Variants in KALRN observed in about 807,000 individuals in gnomAD.
The protein encoded by KALRN is kalirin RhoGEF kinase.
Under a neutral mutation model 353.7 loss-of-function variants are expected in KALRN, and 70 were observed. The ratio of observed to expected loss-of-function variants is 0.20; its 90% CI spans 0.16 to 0.24. KALRN has a LOEUF of 0.24. KALRN is among the 10% of genes least tolerant of loss of function. The pLI is 1.00. For synonymous variants in KALRN, 1,391 were observed against 1,434.8 expected, an observed-to-expected ratio of 0.97 and a Z score of 0.69; for missense variants, 2,791 against 3,756.7, an observed-to-expected ratio of 0.74 and a Z score of 6.72.
At chr3:124,574,101 T>C (rs776239087) in intron 34 of KALRN, among the ~76,000 whole-genome samples, 1 of 152,224 alleles carries the variant, frequency 6.6e-6, no homozygotes, top group Non-Finnish European at 1.5e-5. Flanking sequence ...TCGTGGAAAC[T>C]GCCTCAGGCC....
intron 33 of KALRN, among the ~76,000 whole-genome samples, chr3:124,535,039 G>T (rs2068393475): frequency 6.6e-6 from 1 of 151,886 alleles, no homozygotes; most frequent in African/African-American, 2.4e-5. Context: ...TGAGTAGTGG[G>T]GAATAATAAA....
chr3:124,298,424 C>A (rs1258357351), intron 5 of KALRN, among the ~76,000 whole-genome samples: 2 of 152,288 alleles, frequency 1.3e-5, no homozygotes, highest in East Asian at 3.9e-4. Flanking sequence ...CTCTCTTCTA[C>A]TAGTGCGGCA....
intron 1 of KALRN, among the ~76,000 whole-genome samples, chr3:124,109,048 C>T (rs1034483931): frequency 1.3e-5 from 2 of 152,176 alleles, no homozygotes; most frequent in African/African-American, 4.8e-5. Flanking sequence ...CTTCTCTTAA[C>T]AAGAAGTTTA....
intron 45 of KALRN, among the ~76,000 whole-genome samples, chr3:124,665,446 T>C (rs2085492449): frequency 1.3e-5 from 2 of 152,170 alleles, no homozygotes; most frequent in South Asian, 4.1e-4. Flanking sequence ...TTTATTTTAT[T>C]AGTTTTTTAA....
chr3:124,328,218 G>T lies in KALRN; in HGVS notation c.1285-1643G>T, dbSNP rs1662005013. On this transcript the variant is annotated intron_variant, in intron 7 of 59. Transcript: ENST00000682506. ...ATATCTTTTTGTCGCCGTTGTTAAGGTTGTTGGTGGTAGTGACTGATAGTG... is the reference window on the plus strand; with the variant it reads ...ATATCTTTTTGTCGCCGTTGTTAAGTTTGTTGGTGGTAGTGACTGATAGTG... 2.0e-5 allele frequency among the ~76,000 whole-genome samples: 3 copies of T among 152,164 alleles called. No individual in the cohort carries two copies. The South Asian group carries it at 6.2e-4, about 32-fold the overall frequency.
chr3:124,457,971 T>A (rs980365248), intron 23 of KALRN, among the ~76,000 whole-genome samples: 2 of 152,264 alleles, frequency 1.3e-5, no homozygotes, highest in South Asian at 4.2e-4. Context: ...GAATAAATTG[T>A]ATATAATTGA....
intron 1 of KALRN, among the ~76,000 whole-genome samples, chr3:124,119,382 T>C (rs2063758467): frequency 1.3e-5 from 2 of 152,220 alleles, no homozygotes; most frequent in South Asian, 4.1e-4. Flanking sequence ...CCCAAGAAGA[T>C]ATTAAAATAA....
At chr3:124,068,100 G>T (rs2042528447) in intron 1 of KALRN, among the ~76,000 whole-genome samples, 1 of 152,178 alleles carries the variant, frequency 6.6e-6, no homozygotes, top group African/African-American at 2.4e-5. Context: ...CTTTAACCCT[G>T]AGTGGCTAGT....
In KALRN at chr3:124,057,425, G is replaced by A. The variant is rs1577645052; in HGVS notation, c.73+23612G>A. ...CAGCAAGGGGCCAGGGATCAGGGAA[G>A]TAGATAAAGGCCAAGAAGATAAAAT... On this transcript the variant is annotated intron_variant, in intron 1 of 59. Coordinates refer to ENST00000682506, the MANE Select transcript of KALRN (RefSeq NM_001388419.1). Among the ~76,000 whole-genome samples, 3 of 152,300 alleles carry A rather than the reference G, an allele frequency of 2.0e-5. 1 individual carries two copies. In the East Asian group the frequency reaches 5.8e-4, roughly 29 times the overall value.
intron 1 of KALRN, among the ~76,000 whole-genome samples, chr3:124,192,446 TAAC>T (rs1230457788): frequency 2.0e-5 from 3 of 152,096 alleles, no homozygotes; most frequent in African/African-American, 7.2e-5. Context: ...TTAGAATGAA[TAAC>T]AACTGCTATT....
chr3:124,354,511 A>C (rs1037577637), intron 10 of KALRN, among the ~76,000 whole-genome samples: 16 of 152,236 alleles, frequency 1.1e-4, no homozygotes, highest in African/African-American at 3.9e-4. Flanking sequence ...GGAGAAAATT[A>C]ACCCAGTGAA....
chr3:124,187,996 T>A (rs903863450), intron 1 of KALRN, among the ~76,000 whole-genome samples: 5 of 152,094 alleles, frequency 3.3e-5, no homozygotes, highest in Non-Finnish European at 5.9e-5. Context: ...GGAAACATTT[T>A]AAAAAACCCC....
chr3:124,334,605 A>G lies in KALRN; in HGVS notation c.1647+110A>G, dbSNP rs2080933772. ...GGAGAGCCCAGATTTATAGAAGGACATAATGAAATTCAGCTCTCAACTGCT... is the reference window on the plus strand; with the variant it reads ...GGAGAGCCCAGATTTATAGAAGGACGTAATGAAATTCAGCTCTCAACTGCT... On this transcript the variant is annotated intron_variant, in intron 9 of 59. Transcript: ENST00000682506. The surrounding 1 kb of genome is among the most constrained non-coding windows in gnomAD (Gnocchi z 4.2). The G allele has an allele frequency of 5.6e-6, 4 of 713,216 alleles. No individual in the cohort carries two copies. Among genetic ancestry groups the G allele is most frequent in the South Asian group, 1.9e-5 (1 of 53,562 alleles). The allele number at this position is 713,216 out of a possible 1,614,324, so 44.2% of individuals were successfully genotyped here.
chr3:124,384,754 C>A (rs2087942840), intron 10 of KALRN, 91 bp from the exon 11 acceptor site: 3 of 1,286,028 alleles, frequency 2.3e-6, no homozygotes, highest in African/African-American at 1.5e-5. Context: ...TCAGCGCCCA[C>A]GCCCCTCCGC....
chr3:124,484,533 C>T (rs190454726), intron 28 of KALRN, among the ~76,000 whole-genome samples: 4 of 152,300 alleles, frequency 2.6e-5, no homozygotes, highest in African/African-American at 9.6e-5. Context: ...GCTGTCCTGA[C>T]AGAACTGCTT....
chr3:124,719,606 C>CTGACGAGGTTTAAGAG lies in KALRN; in HGVS notation c.*136_*137insTGACGAGGTTTAAGAG. The CTGACGAGGTTTAAGAG allele has an allele frequency of 1.2e-6, 1 of 823,620 alleles. No homozygotes were observed. Among genetic ancestry groups the CTGACGAGGTTTAAGAG allele is most frequent in the South Asian group, 1.9e-5 (1 of 53,996 alleles). 51.0% of individuals were successfully genotyped at this position (823,620 alleles called of 1,614,324 possible). A position where few individuals can be genotyped will look rare whatever the true frequency, so the allele number is the denominator to read the frequency against. ...ATTGAGAGATGTACCTCTTAAACCT[C>CTGACGAGGTTTAAGAG]GTCAGTGGTTATTCAGGGTCTGAGC... On this transcript the variant is annotated 3_prime_UTR_variant, in exon 60 of 60. Coordinates refer to ENST00000682506, the MANE Select transcript of KALRN (RefSeq NM_001388419.1). The surrounding 1 kb of genome is among the most constrained non-coding windows in gnomAD (Gnocchi z 5.3).
intron 37 of KALRN, among the ~76,000 whole-genome samples, chr3:124,642,090 T>C (rs769283973): frequency 8.5e-5 from 13 of 152,120 alleles, no homozygotes; most frequent in Non-Finnish European, 1.3e-4. Flanking sequence ...AAGACCAGCC[T>C]AGGCAACACG....
chr3:124,430,613 C>G (rs761203871), intron 15 of KALRN, 43 bp from the exon 16 acceptor site: 9 of 1,607,402 alleles, frequency 5.6e-6, no homozygotes, highest in Non-Finnish European at 7.7e-6. Flanking sequence ...TCTGGGGAAA[C>G]TGCGGAAGGC....
chr3:124,367,455 C>T (rs1406631311), intron 10 of KALRN, among the ~76,000 whole-genome samples: 9 of 81,790 alleles, frequency 1.1e-4, no homozygotes, highest in South Asian at 5.6e-4. Flanking sequence ...GCTGGCCAGG[C>T]GGGGGGCTGA....
Sources: gnomAD v4.1 joint callset for allele counts (sites outside exome capture counted in the v4.1 genomes callset) on GRCh38, gnomAD v4.1.1 for gene constraint, Gnocchi (gnomAD v3.1) non-coding constraint, MANE v1.5 for transcripts, NCBI Gene and HGNC (gene_info 2026-07-23, HGNC 2026-07-21) for gene names.